The following ZFHX3 variants were observed in gnomAD, a reference collection of about 807,000 sequenced individuals.
ZFHX3 encodes zinc finger homeobox 3, also known as zinc finger homeobox protein 3.
ZFHX3 carries 42 observed loss-of-function variants against 279.1 expected under a neutral mutation model. The ratio of observed to expected loss-of-function variants is 0.15; its 90% CI spans 0.12 to 0.19. The LOEUF is 0.19. Among genes scored for constraint, ZFHX3 ranks in the 10% least tolerant of loss-of-function variants. The probability of loss-of-function intolerance (pLI) is 1.00; values close to 1 mark genes in which losing one functional copy is unlikely to be tolerated. For missense variants in ZFHX3, 4,981 were observed against 4,754.0 expected (o/e 1.05, Z -1.40); for synonymous variants, 2,293 against 1,957.8 (o/e 1.17, Z -4.52).
At chr16:73,488,862 T>C (rs1252322487) in intron 2 of ZFHX3, among the ~76,000 whole-genome samples, 1 of 152,204 alleles carries the variant, frequency 6.6e-6, no homozygotes, top group Non-Finnish European at 1.5e-5. Context: ...AAATGCCAGC[T>C]TAACCACCCA....
At chr16:73,353,257 C>T (rs2016279948) in intron 3 of ZFHX3, among the ~76,000 whole-genome samples, 1 of 152,178 alleles carries the variant, frequency 6.6e-6, no homozygotes, top group African/African-American at 2.4e-5. Flanking sequence ...TAAAATCACC[C>T]ATGGGCTCAT....
chr16:73,661,766 T>C (rs1015128199), intron 2 of ZFHX3, among the ~76,000 whole-genome samples: 1 of 148,608 alleles, frequency 6.7e-6, no homozygotes. Context: ...GTATTAGTAA[T>C]GGTTTCAAAC....
chr16:73,058,696 TGGCGGCGGCGGCGGCGGCGGC>T (rs552488803), exon 1 of ZFHX3: 2 of 169,874 alleles, frequency 1.2e-5, no homozygotes, highest in Non-Finnish European at 2.2e-5. Flanking sequence ...GACGCGCTGC[TGGCGGCGGCGGCGGCGGCGGC>T]GGCGGCGGCG....
Position 72,786,767 on chromosome 16 carries a change from C to G in ZFHX3, c.*397G>C, listed in dbSNP as rs2035393920. 1 of 153,024 alleles carries G rather than the reference C, an allele frequency of 6.5e-6. No homozygotes were observed. The highest frequency in any genetic ancestry group is 1.5e-5 in the Non-Finnish European group (1 of 68,450). 9.5% of individuals were successfully genotyped at this position (153,024 alleles called of 1,614,324 possible). On this transcript the variant is annotated 3_prime_UTR_variant, in exon 10 of 10. Coordinates refer to ENST00000268489, the MANE Select transcript of ZFHX3 (RefSeq NM_006885.4). ...AACTGTAACAAGGTGGACTGCTTTCCCATACAGTGCATGCCGGGCTCCTCT... is the reference window on the plus strand; with the variant it reads ...AACTGTAACAAGGTGGACTGCTTTCGCATACAGTGCATGCCGGGCTCCTCT...
chr16:73,577,611 G>A (rs897374366), intron 2 of ZFHX3, among the ~76,000 whole-genome samples: 2 of 152,088 alleles, frequency 1.3e-5, no homozygotes, highest in Non-Finnish European at 2.9e-5. Context: ...TCTAAAAAGA[G>A]CAAACACTAG....
intron 1 of ZFHX3, among the ~76,000 whole-genome samples, chr16:73,696,938 G>A (rs890752708): frequency 6.6e-6 from 1 of 152,144 alleles, no homozygotes; most frequent in Admixed American, 6.5e-5. Context: ...TATCTAGCAT[G>A]TAGCAATTAA....
chr16:73,118,220 G>T (rs555683727), intron 7 of ZFHX3, among the ~76,000 whole-genome samples: 11 of 152,004 alleles, frequency 7.2e-5, no homozygotes, highest in Non-Finnish European at 1.2e-4. Context: ...AGTTTTTTTT[G>T]TTGTTGTTGA....
At chr16:72,945,046 C>A (rs1960597938) in intron 3 of ZFHX3, among the ~76,000 whole-genome samples, 1 of 151,976 alleles carries the variant, frequency 6.6e-6, no homozygotes, top group Non-Finnish European at 1.5e-5. Flanking sequence ...ACCTGATCTT[C>A]TTGACATGAG....
At chr16:73,062,099 CAAG>C (rs1965691178), upstream of ZFHX3, 1 of 150,952 alleles carries the variant, frequency 6.6e-6, no homozygotes. Flanking sequence ...AAAAAGGAAA[CAAG>C]AAATTCAGAA....
At chr16:73,425,048 T>G (rs2017787626) in intron 3 of ZFHX3, among the ~76,000 whole-genome samples, 1 of 152,200 alleles carries the variant, frequency 6.6e-6, no homozygotes, top group Non-Finnish European at 1.5e-5. Context: ...TCTGTGTTTC[T>G]GTCACTGCCC....
chr16:73,406,326 G>A (rs993361648), intron 3 of ZFHX3, among the ~76,000 whole-genome samples: 1 of 152,158 alleles, frequency 6.6e-6, no homozygotes, highest in African/African-American at 2.4e-5. Context: ...CATCTACAAA[G>A]CCCTTCCTTG....
chr16:73,260,177 C>T (rs62054682), intron 4 of ZFHX3, among the ~76,000 whole-genome samples: 40,646 of 151,982 alleles, frequency 0.27, 5,891 homozygotes, highest in Middle Eastern at 0.46. Flanking sequence ...GATGTTTCCT[C>T]ATGATTAGAT....
intron 4 of ZFHX3, among the ~76,000 whole-genome samples, chr16:73,277,846 C>G (rs1434952090): frequency 6.6e-6 from 1 of 152,092 alleles, no homozygotes; most frequent in African/African-American, 2.4e-5. Flanking sequence ...CAAGAAGCTT[C>G]CAATCATGGT....
chr16:73,590,554 G>C (rs1265416084), intron 2 of ZFHX3, among the ~76,000 whole-genome samples: 1 of 152,082 alleles, frequency 6.6e-6, no homozygotes, highest in Non-Finnish European at 1.5e-5. Flanking sequence ...AAATCCAAGA[G>C]TTCACAGTAA....
intron 3 of ZFHX3, among the ~76,000 whole-genome samples, chr16:72,922,657 G>A (rs1267950655): frequency 6.6e-6 from 1 of 152,148 alleles, no homozygotes; most frequent in Non-Finnish European, 1.5e-5. Context: ...CACTCCCAGC[G>A]CTCTCTTCGT....
intron 1 of ZFHX3, among the ~76,000 whole-genome samples, chr16:73,878,940 G>GATATATATATATATATATATATAT (rs3082335): frequency 5.0e-5 from 7 of 141,030 alleles, no homozygotes; most frequent in African/African-American, 1.8e-4. Flanking sequence ...AAAAAGATAA[G>GATATATATATATATATATATATAT]ATATATATAT....
At chr16:73,589,971 G>T (rs1048090614) in intron 2 of ZFHX3, among the ~76,000 whole-genome samples, 1 of 152,050 alleles carries the variant, frequency 6.6e-6, no homozygotes, top group Non-Finnish European at 1.5e-5. Context: ...CATCTAAATG[G>T]AATGTACTCT....
At chr16:73,501,052 T>A (rs1404757377) in intron 2 of ZFHX3, among the ~76,000 whole-genome samples, 1 of 152,254 alleles carries the variant, frequency 6.6e-6, no homozygotes, top group African/African-American at 2.4e-5. Context: ...CACTTTTTAA[T>A]CTTTTAAACG....
At chr16:73,567,628 G>C (rs2020469633) in intron 2 of ZFHX3, among the ~76,000 whole-genome samples, 1 of 152,228 alleles carries the variant, frequency 6.6e-6, no homozygotes, top group Non-Finnish European at 1.5e-5. Context: ...TCCATGTGAA[G>C]ACAGAGAATA....
Sources: allele counts gnomAD v4.1 joint callset (sites outside exome capture counted in the v4.1 genomes callset), GRCh38; gene constraint gnomAD v4.1.1; transcripts MANE v1.5; gene names NCBI Gene and HGNC (gene_info 2026-07-23, HGNC 2026-07-21).